Variants in ACSM2B observed in about 807,000 individuals in gnomAD.
The protein encoded by ACSM2B is acyl-CoA synthetase medium chain family member 2B, also known as acyl-coenzyme A synthetase ACSM2B, mitochondrial.
In ACSM2B, 58 loss-of-function variants were observed where a neutral mutation model predicts 78.6. The observed-to-expected ratio is 0.74, with a 90% CI of 0.60 to 0.92. The LOEUF (loss-of-function observed/expected upper bound fraction) is 0.92. Ranked by LOEUF, ACSM2B falls within the 40% of genes least tolerant of loss-of-function variation. The pLI is 0.00. For missense variants in ACSM2B, 688 were observed against 711.2 expected, an observed-to-expected ratio of 0.97 and a Z score of 0.37; for synonymous variants, 257 against 256.8, an observed-to-expected ratio of 1.00 and a Z score of -0.01.
At chr16:20,562,619 G>A (rs2015697714) in intron 2 of ACSM2B, among the ~76,000 whole-genome samples, 3 of 152,078 alleles carry the variant, frequency 2.0e-5, no homozygotes, top group African/African-American at 7.2e-5. Flanking sequence ...CTTTTTCAGG[G>A]ACCTAAACCC....
chr16:20,566,231 C>T (rs1281637045), intron 1 of ACSM2B, among the ~76,000 whole-genome samples: 1 of 123,196 alleles, frequency 8.1e-6, no homozygotes, highest in Non-Finnish European at 1.6e-5. Flanking sequence ...CCATACCATA[C>T]TGCCTTCATG....
At chr16:20,558,691 A>G (rs28716592) in intron 3 of ACSM2B, among the ~76,000 whole-genome samples, 8,166 of 152,252 alleles carry the variant, frequency 0.054, 740 homozygotes, top group African/African-American at 0.19. Context: ...TTAGAAAAGC[A>G]TTGGCAAACT....
intron 2 of ACSM2B, among the ~76,000 whole-genome samples, chr16:20,563,736 ATAGTG>A (rs879705435): frequency 0.014 from 2,082 of 151,970 alleles, 21 homozygotes; most frequent in Non-Finnish European, 0.022. Context: ...AGACTGTTTC[ATAGTG>A]TAGGGAACTT....
intron 10 of ACSM2B, chr16:20,544,611 C>A (rs2015084140): frequency 5.1e-6 from 5 of 985,312 alleles, no homozygotes; most frequent in African/African-American, 1.7e-5. Context: ...TCTCTGTCCA[C>A]TTTCTAATGG....
chr16:20,551,565 A>G (rs2015311021), intron 6 of ACSM2B, among the ~76,000 whole-genome samples: 1 of 152,086 alleles, frequency 6.6e-6, no homozygotes, highest in Admixed American at 6.6e-5. Flanking sequence ...TACAGCCTCC[A>G]GAGCTATGAG....
At chr16:20,561,982 G>A (rs560316737) in intron 2 of ACSM2B, among the ~76,000 whole-genome samples, 29 of 146,792 alleles carry the variant, frequency 2.0e-4, no homozygotes, top group African/African-American at 6.8e-4. Flanking sequence ...TTTTGTCCTT[G>A]CCATGGTTTG....
intron 10 of ACSM2B, chr16:20,544,822 C>A: frequency 9.9e-7 from 1 of 1,011,768 alleles, no homozygotes; most frequent in Non-Finnish European, 1.2e-6. Context: ...GGGGATGATA[C>A]CTAGGGGAGA....
chr16:20,569,921 CT>C (rs1296949149), intron 1 of ACSM2B, among the ~76,000 whole-genome samples: 1 of 151,846 alleles, frequency 6.6e-6, no homozygotes, highest in Non-Finnish European at 1.5e-5. Context: ...TGTCCTGAAA[CT>C]TTGCTGAATT....
chr16:20,547,152 G>A, intron 8 of ACSM2B: 1 of 1,019,144 alleles, frequency 9.8e-7, no homozygotes, highest in Non-Finnish European at 1.2e-6. Flanking sequence ...CACTGTGCTG[G>A]AAAGGGCAAG....
At chr16:20,554,045 A>C in intron 4 of ACSM2B, 125 bp from the exon 5 acceptor site, 1 of 1,228,588 alleles carries the variant, frequency 8.1e-7, no homozygotes, top group Non-Finnish European at 1.2e-6. Flanking sequence ...CTCACAAGAG[A>C]GGCTGCTGAG....
At position 20,548,154 on chromosome 16, in the gene ACSM2B, C is replaced by A; in HGVS notation, c.1006G>T (p.Ala336Ser). The A allele has an allele frequency of 6.2e-7, 1 of 1,613,574 alleles. No individual in the cohort carries two copies. Among genetic ancestry groups the A allele is most frequent in the Non-Finnish European group, 8.5e-7 (1 of 1,179,572 alleles). Reference sequence around the variant, plus strand: ...TCTGGAAGAAGGGACTCCCCTCCAGCGAGGCAGTTCTGTAGATGGGGGAAC... The same window carrying A: ...TCTGGAAGAAGGGACTCCCCTCCAGAGAGGCAGTTCTGTAGATGGGGGAAC... ...YKFPHLQNCL[A>S]GGESLLPETL... is the part of the protein sequence containing the mutation. Residue 336 changes from alanine (A) to serine (S), a missense_variant, in exon 8 of 14, where the codon GCT becomes TCT. Ala to Ser is a moderately conservative substitution (Grantham distance 99, BLOSUM62 1). Transcript: ENST00000329697.
chr16:20,567,375 A>G (rs2015937966), intron 1 of ACSM2B, among the ~76,000 whole-genome samples: 2 of 117,158 alleles, frequency 1.7e-5, no homozygotes, highest in Non-Finnish European at 3.2e-5. Flanking sequence ...ATTATATAAT[A>G]TATAGTATAA....
At chr16:20,575,298 G>A (rs1479794873) in intron 1 of ACSM2B, 3 of 151,628 alleles carry the variant, frequency 2.0e-5, no homozygotes, top group South Asian at 2.1e-4. Flanking sequence ...ATATGTATAA[G>A]TAATACATAT....
In ACSM2B at chr16:20,537,226, A is replaced by T. The variant is rs764001320; in HGVS notation, c.*32T>A. ...CAAAGGGAAAAGAAAGAGAAAGAAG[A>T]GGGGAATCCAAATGAATGTCTCCTA... On this transcript the variant is annotated 3_prime_UTR_variant, in exon 14 of 14. Coordinates refer to ENST00000329697, the MANE Select transcript of ACSM2B (RefSeq NM_001105069.2). The T allele has an allele frequency of 1.9e-6, 3 of 1,609,516 alleles. No homozygotes were observed. The South Asian group carries it at 3.3e-5, about 18-fold the overall frequency.
chr16:20,548,121 C>G lies in ACSM2B; in HGVS notation c.1039G>C (p.Glu347Gln), dbSNP rs562296082. 1 of 1,614,050 alleles carries G rather than the reference C, an allele frequency of 6.2e-7. No homozygotes were observed. Among genetic ancestry groups the G allele is most frequent in the Non-Finnish European group, 8.5e-7 (1 of 1,179,938 alleles). The change falls in exon 8 of 14, where the codon GAG becomes CAG. Residue 347 changes from glutamate (E) to glutamine (Q), a missense_variant. Transcript: ENST00000329697. ...GGESLLPETL[E>Q]NWRAQTGLDI... is the part of the protein sequence containing the mutation. ...AGTCCTGTCTGGGCCCTCCAGTTCT[C>G]CAGAGTTTCTGGAAGAAGGGACTCC...
intron 1 of ACSM2B, among the ~76,000 whole-genome samples, chr16:20,567,800 T>C (rs1175849676): frequency 1.4e-5 from 2 of 140,834 alleles, no homozygotes; most frequent in Non-Finnish European, 3.1e-5. Flanking sequence ...ATATGATATA[T>C]AATAGTATGG....
At chr16:20,562,097 A>G (rs1439188926) in intron 2 of ACSM2B, among the ~76,000 whole-genome samples, 4 of 151,936 alleles carry the variant, frequency 2.6e-5, no homozygotes, top group African/African-American at 9.7e-5. Context: ...GTGTACACAT[A>G]TTTCTCAGAG....
At position 20,536,565 on chromosome 16, in the gene ACSM2B, G is replaced by A. The variant is rs1421983956; in HGVS notation, c.*693C>T. 6.6e-6 allele frequency: 1 copy of A among 152,096 alleles called. No individual in the cohort carries two copies. Among genetic ancestry groups the A allele is most frequent in the Admixed American group, 6.6e-5 (1 of 15,258 alleles). 9.4% of individuals were successfully genotyped at this position (152,096 alleles called of 1,614,324 possible). A position where few individuals can be genotyped will look rare whatever the true frequency, so the allele number is the denominator to read the frequency against. On this transcript the variant is annotated 3_prime_UTR_variant, in exon 14 of 14. Coordinates refer to ENST00000329697, the MANE Select transcript of ACSM2B (RefSeq NM_001105069.2). Reference sequence around the variant, plus strand: ...CACACACAAGTCTTCCTGTATGGAGGTCTTCTCCTAGGGTAAAAGAAAGTA... The same window carrying A: ...CACACACAAGTCTTCCTGTATGGAGATCTTCTCCTAGGGTAAAAGAAAGTA...
rs766547463 is a variant in ACSM2B, at chr16:20,537,275, T to C, written c.1717A>G (p.Lys573Glu). The C allele has an allele frequency of 4.3e-6, 7 of 1,614,058 alleles. 1 individual carries two copies. The South Asian group carries it at 6.6e-5, about 15-fold the overall frequency. The change falls in exon 14 of 14, where the codon AAA becomes GAA. Residue 573 changes from lysine (K) to glutamate (E), a missense_variant. Transcript: ENST00000329697. ...LRDKEWKMSG[K>E]ARAQ Reference sequence around the variant, plus strand: ...TAGACGCCTCACTGCGCACGGGCTTTTCCGGACATCTTCCACTCCTTGTCT... The same window carrying C: ...TAGACGCCTCACTGCGCACGGGCTTCTCCGGACATCTTCCACTCCTTGTCT...
Sources: gnomAD v4.1 joint callset for allele counts (sites outside exome capture counted in the v4.1 genomes callset) on GRCh38, gnomAD v4.1.1 for gene constraint, MANE v1.5 for transcripts, NCBI Gene and HGNC (gene_info 2026-07-23, HGNC 2026-07-21) for gene names.